AHCY: variants seen among roughly 807,000 people sequenced by gnomAD.
The protein encoded by AHCY is S-adenosyl-L-homocysteine hydrolase.
In AHCY, 24 loss-of-function variants were observed where a neutral mutation model predicts 45.4. The observed-to-expected ratio is 0.53, with a 90% CI of 0.38 to 0.74. AHCY has a LOEUF of 0.74. AHCY is among the 30% of genes least tolerant of loss of function. AHCY has a pLI of 0.00. For missense variants in AHCY, 449 were observed against 594.1 expected (o/e 0.76, Z 2.54); for synonymous variants, 245 against 235.1 (o/e 1.04, Z -0.39).
At chr20:34,303,415 G>A, upstream of AHCY, 6 of 1,226,324 alleles carry the variant, frequency 4.9e-6, no homozygotes, top group Non-Finnish European at 5.8e-6. Context: ...TTCATGACCC[G>A]CTGGGGCGGG....
At chr20:34,281,655 T>C (rs1032409663) in intron 9 of AHCY, 6 of 207,358 alleles carry the variant, frequency 2.9e-5, no homozygotes, top group African/African-American at 6.9e-5. Context: ...AGGTTTCCAG[T>C]GTTTGGATCC....
chr20:34,297,522 T>C (rs895351907), intron 1 of AHCY, among the ~76,000 whole-genome samples: 21 of 152,142 alleles, frequency 1.4e-4, no homozygotes, highest in Admixed American at 4.6e-4. Context: ...GATCTTGAAC[T>C]CCTGGCCTCG....
intron 4 of AHCY, among the ~76,000 whole-genome samples, chr20:34,291,799 C>T (rs542256722): frequency 3.1e-4 from 47 of 152,322 alleles, no homozygotes; most frequent in African/African-American, 1.1e-3. Context: ...GTGACCCTGT[C>T]GCTTCTTCCC....
chr20:34,268,850 G>C, the AHCY span: 1 of 1,002,620 alleles, frequency 1.0e-6, no homozygotes, highest in South Asian at 1.6e-5. Context: ...TCTGACTGGG[G>C]GAGCGGGCGG....
chr20:34,246,569 A>G, the AHCY span: 17 of 798,626 alleles, frequency 2.1e-5, no homozygotes, highest in East Asian at 2.6e-4. Context: ...GGCTCAAGCA[A>G]TCCTCCCACC....
At chr20:34,275,866 T>C (rs542767243), downstream of AHCY, among the ~76,000 whole-genome samples, 1 of 151,852 alleles carries the variant, frequency 6.6e-6, no homozygotes, top group South Asian at 2.1e-4. Context: ...TTCTATTTTT[T>C]TTTTAGTAGA....
chr20:34,246,250 T>TCTCTTCTGTTTTTTTCTTCTC, the AHCY span: 3,176 of 1,547,790 alleles, frequency 2.1e-3, 67 homozygotes, highest in African/African-American at 0.039. Context: ...CTCTTCCACC[T>TCTCTTCTGTTTTTTTCTTCTC]CTCTTCTGTT....
upstream of AHCY, among the ~76,000 whole-genome samples, chr20:34,307,954 C>G (rs2036912871): frequency 6.6e-6 from 1 of 151,982 alleles, no homozygotes. Flanking sequence ...CTTTTCTCAC[C>G]CTCATCCCTC....
rs530169854 is a variant in AHCY, at chr20:34,293,200, G to A, written c.296-693C>T. Among the ~76,000 whole-genome samples, 3 of 152,088 alleles carry A rather than the reference G, an allele frequency of 2.0e-5. No homozygotes were observed. The South Asian group carries it at 6.2e-4, about 32-fold the overall frequency. ...CAGATGCCCAGAGAGGAGCTAAGAC[G>A]CACTTGGGCCACTCTAAATGAAATT... On this transcript the variant is annotated intron_variant, in intron 3 of 9. Coordinates refer to ENST00000217426, the MANE Select transcript of AHCY (RefSeq NM_000687.4).
At chr20:34,235,836 A>AGAAG in the AHCY span, among the ~76,000 whole-genome samples, 3 of 64,190 alleles carry the variant, frequency 4.7e-5, no homozygotes, top group African/African-American at 1.6e-4. Context: ...AAAGAAAGAA[A>AGAAG]GAAAGAAGGA....
chr20:34,234,773 C>A, the AHCY span: 1 of 152,314 alleles, frequency 6.6e-6, no homozygotes, highest in East Asian at 1.9e-4. Flanking sequence ...GAGATTGCGC[C>A]ACTGTACTCC....
At position 34,290,340 on chromosome 20, in the gene AHCY, TGATG is replaced by T; in HGVS notation, c.960_963del (p.Asn320LysfsTer10). The T allele has an allele frequency of 6.2e-7, 1 of 1,614,062 alleles. No homozygotes were observed. On this transcript the variant is annotated frameshift_variant, in exon 8 of 10. Coordinates refer to ENST00000217426, the MANE Select transcript of AHCY (RefSeq NM_000687.4). LOFTEE classifies it high-confidence loss of function. The surrounding 1 kb of genome is among the most constrained non-coding windows in gnomAD (Gnocchi z 4.5). ...AGGCGGGAGCTTCTCACCTGCGGCTTGATGTTCACCTTCTCCACGGCGTTCTCGT... is the reference window on the plus strand; with the variant it reads ...AGGCGGGAGCTTCTCACCTGCGGCTTTTCACCTTCTCCACGGCGTTCTCGT...
At chr20:34,236,393 A>T in the AHCY span, among the ~76,000 whole-genome samples, 2 of 152,076 alleles carry the variant, frequency 1.3e-5, no homozygotes, top group African/African-American at 2.4e-5. Context: ...TACACAAAAA[A>T]ATTAGCCAGG....
intron 2 of AHCY, chr20:34,295,194 C>A: frequency 1.4e-6 from 1 of 716,406 alleles, no homozygotes; most frequent in Non-Finnish European, 2.4e-6. Flanking sequence ...ACCTTCCCAG[C>A]CAGGGAGAAA....
At chr20:34,269,172 C>T in the AHCY span, 2 of 1,505,244 alleles carry the variant, frequency 1.3e-6, no homozygotes, top group South Asian at 2.5e-5. Flanking sequence ...TGCTGAGCGC[C>T]CCCACTCCCG....
the AHCY span, among the ~76,000 whole-genome samples, chr20:34,269,646 ACG>A: frequency 2.6e-5 from 4 of 151,646 alleles, no homozygotes; most frequent in African/African-American, 4.8e-5. Context: ...GAAAAAAAAA[ACG>A]GAAAGAAAGA....
chr20:34,305,907 C>T (rs763113095), upstream of AHCY, among the ~76,000 whole-genome samples: 20 of 151,866 alleles, frequency 1.3e-4, no homozygotes, highest in Non-Finnish European at 2.6e-4. Context: ...CATAGTGAAA[C>T]CCTGTATCTA....
At chr20:34,269,376 C>T in the AHCY span, 3 of 613,474 alleles carry the variant, frequency 4.9e-6, no homozygotes, top group Non-Finnish European at 7.7e-6. Context: ...GTAAAGGTCC[C>T]GAAAGTTCTC....
chr20:34,294,545 G>A (rs1396802016), intron 2 of AHCY, among the ~76,000 whole-genome samples: 8 of 152,160 alleles, frequency 5.3e-5, no homozygotes, highest in African/African-American at 1.9e-4. Flanking sequence ...TGGAGTAAAG[G>A]GAGTTGGGAG....
Sources: allele counts gnomAD v4.1 joint callset (sites outside exome capture counted in the v4.1 genomes callset), GRCh38; gene constraint gnomAD v4.1.1; non-coding constraint Gnocchi (gnomAD v3.1); transcripts MANE v1.5; gene names NCBI Gene and HGNC (gene_info 2026-07-23, HGNC 2026-07-21).